Variants in SH3PXD2A observed in about 807,000 individuals in gnomAD.
The protein encoded by SH3PXD2A is SH3 and PX domain-containing protein 2A.
SH3PXD2A carries 32 observed loss-of-function variants against 115.2 expected under a neutral mutation model. That is an observed-to-expected ratio of 0.28 (90% CI 0.21 to 0.37). SH3PXD2A has a LOEUF of 0.37. SH3PXD2A is among the 10% of genes least tolerant of loss of function. SH3PXD2A has a pLI of 1.00. For synonymous variants in SH3PXD2A, 610 were observed against 629.1 expected, an observed-to-expected ratio of 0.97 and a Z score of 0.45; for missense variants, 1,328 against 1,498.7, an observed-to-expected ratio of 0.89 and a Z score of 1.88.
intron 1 of SH3PXD2A, among the ~76,000 whole-genome samples, chr10:103,843,543 G>A (rs1035155239): frequency 2.6e-5 from 4 of 152,172 alleles, no homozygotes; most frequent in African/African-American, 7.2e-5. Context: ...ATTTGAACCT[G>A]CAAATAGAGG....
intron 2 of SH3PXD2A, among the ~76,000 whole-genome samples, chr10:103,767,942 C>T (rs2038777406): frequency 6.7e-6 from 1 of 149,862 alleles, no homozygotes; most frequent in Non-Finnish European, 1.5e-5. Context: ...GAGGCATAGG[C>T]AGGAGGGGAG....
chr10:103,661,929 G>A (rs1403490843), intron 7 of SH3PXD2A: 1 of 985,150 alleles, frequency 1.0e-6, no homozygotes, highest in African/African-American at 1.7e-5. Context: ...TTTTCCTCAA[G>A]TTCGCTCCGT....
At chr10:103,840,222 GGC>G (rs2039584154) in intron 1 of SH3PXD2A, among the ~76,000 whole-genome samples, 1 of 152,224 alleles carries the variant, frequency 6.6e-6, no homozygotes, top group African/African-American at 2.4e-5. Flanking sequence ...GCAACAGCCT[GGC>G]CACCTGTTGG....
intron 1 of SH3PXD2A, among the ~76,000 whole-genome samples, chr10:103,830,622 G>A (rs928718452): frequency 6.6e-6 from 1 of 152,136 alleles, no homozygotes; most frequent in African/African-American, 2.4e-5. Context: ...TAAGTGTGGT[G>A]GACATGAGTA....
In SH3PXD2A at chr10:103,596,663, A is replaced by ACTCTCTCTCTCTCTCTTT. The variant is rs2036139871; in HGVS notation, c.*5152_*5153insAAAGAGAGAGAGAGAGAG. 4 of 124,440 alleles carry ACTCTCTCTCTCTCTCTTT rather than the reference A, an allele frequency of 3.2e-5. No individual in the cohort carries two copies. The highest frequency in any genetic ancestry group is 8.0e-5 in the Admixed American group (1 of 12,474). 7.7% of individuals were successfully genotyped at this position (124,440 alleles called of 1,614,324 possible). A position where few individuals can be genotyped will look rare whatever the true frequency, so the allele number is the denominator to read the frequency against. On this transcript the variant is annotated 3_prime_UTR_variant, in exon 15 of 15. Coordinates refer to ENST00000369774, the MANE Select transcript of SH3PXD2A (RefSeq NM_001394015.1). Reference sequence around the variant, plus strand: ...CACACACACACACACACACACACACACTCTCTCTCTCTCTCTCTCTCTCAC... The same window carrying ACTCTCTCTCTCTCTCTTT: ...CACACACACACACACACACACACACACTCTCTCTCTCTCTCTTTCTCTCTCTCTCTCTCTCTCTCTCAC...
intron 6 of SH3PXD2A, among the ~76,000 whole-genome samples, chr10:103,669,466 G>A (rs1218909776): frequency 6.6e-6 from 1 of 152,250 alleles, no homozygotes; most frequent in Non-Finnish European, 1.5e-5. Flanking sequence ...GAATGAGGCA[G>A]AAAGCTCTTG....
intron 5 of SH3PXD2A, among the ~76,000 whole-genome samples, chr10:103,718,760 GACACACACACACACACAC>G (rs55844048): frequency 7.8e-5 from 10 of 128,338 alleles, no homozygotes; most frequent in South Asian, 5.8e-4. Flanking sequence ...CCCCAATCAG[GACACACACACACACACAC>G]ACACACACAC....
intron 5 of SH3PXD2A, among the ~76,000 whole-genome samples, chr10:103,716,843 A>G (rs562073457): frequency 1.3e-5 from 2 of 152,342 alleles, no homozygotes; most frequent in African/African-American, 4.8e-5. Flanking sequence ...CTCAGCCCTG[A>G]GGCTGCAAAG....
At chr10:103,752,306 C>G (rs1027179259) in intron 3 of SH3PXD2A, among the ~76,000 whole-genome samples, 19 of 152,212 alleles carry the variant, frequency 1.2e-4, no homozygotes, top group African/African-American at 4.6e-4. Context: ...ATGTTTTCCC[C>G]TTTGCATGAT....
At chr10:103,760,187 C>T (rs1458894623) in intron 3 of SH3PXD2A, among the ~76,000 whole-genome samples, 3 of 152,182 alleles carry the variant, frequency 2.0e-5, no homozygotes, top group Non-Finnish European at 4.4e-5. Flanking sequence ...TATAAAGTAA[C>T]TCACTGCATA....
chr10:103,718,496 G>C (rs565072746), intron 5 of SH3PXD2A, among the ~76,000 whole-genome samples: 4 of 141,318 alleles, frequency 2.8e-5, no homozygotes, highest in African/African-American at 1.1e-4. Flanking sequence ...TGGGGGCTGG[G>C]GGGCTGGAGG....
intron 3 of SH3PXD2A, among the ~76,000 whole-genome samples, chr10:103,742,091 C>G (rs115869182): frequency 6.7e-4 from 102 of 152,276 alleles, no homozygotes; most frequent in African/African-American, 2.4e-3. Flanking sequence ...TGAGGCTGCA[C>G]TGAGTCATGA....
intron 8 of SH3PXD2A, among the ~76,000 whole-genome samples, chr10:103,639,110 G>A (rs1332810910): frequency 6.6e-6 from 1 of 152,202 alleles, no homozygotes; most frequent in Non-Finnish European, 1.5e-5. Context: ...TGCTTGTGCT[G>A]GGTGCGGCAG....
chr10:103,768,453 T>C (rs2038782416), intron 2 of SH3PXD2A, among the ~76,000 whole-genome samples: 1 of 152,060 alleles, frequency 6.6e-6, no homozygotes, highest in East Asian at 1.9e-4. Flanking sequence ...CCGATGTGGC[T>C]GGAGTGGAGT....
intron 6 of SH3PXD2A, among the ~76,000 whole-genome samples, chr10:103,675,906 G>C (rs553050864): frequency 2.6e-5 from 4 of 152,170 alleles, no homozygotes; most frequent in African/African-American, 9.7e-5. Context: ...AGGCATAGTG[G>C]TGCATGCCTG....
At chr10:103,755,328 C>T (rs1006185244) in intron 3 of SH3PXD2A, 1 of 152,188 alleles carries the variant, frequency 6.6e-6, no homozygotes, top group Non-Finnish European at 1.5e-5. Flanking sequence ...CTCAATAACC[C>T]TGAAGGGATT....
intron 1 of SH3PXD2A, among the ~76,000 whole-genome samples, chr10:103,834,239 C>T (rs886377278): frequency 6.6e-6 from 1 of 152,162 alleles, no homozygotes; most frequent in Non-Finnish European, 1.5e-5. Flanking sequence ...CAGGACCCCT[C>T]GGCCACCACA....
chr10:103,661,755 CTG>C (rs1445501206), intron 7 of SH3PXD2A: 1 of 985,230 alleles, frequency 1.0e-6, no homozygotes, highest in Non-Finnish European at 1.2e-6. Flanking sequence ...CCGCCAATCA[CTG>C]GGGTTTACTC....
intron 13 of SH3PXD2A, among the ~76,000 whole-genome samples, chr10:103,608,430 G>GAAAAAA (rs953168200): frequency 5.9e-4 from 50 of 85,148 alleles, no homozygotes; most frequent in East Asian, 9.4e-4. Flanking sequence ...TCCATGTCAA[G>GAAAAAA]AAAAAAAAAA....
Sources: allele counts gnomAD v4.1 joint callset (sites outside exome capture counted in the v4.1 genomes callset), GRCh38; gene constraint gnomAD v4.1.1; transcripts MANE v1.5; gene names NCBI Gene and HGNC (gene_info 2026-07-23, HGNC 2026-07-21).